CGNL1: variants seen among roughly 807,000 people sequenced by gnomAD.
CGNL1 encodes cingulin-like protein 1.
Under a neutral mutation model 141.2 loss-of-function variants are expected in CGNL1, and 132 were observed. That is an observed-to-expected ratio of 0.93 (90% confidence interval 0.81 to 1.08). The LOEUF is 1.08. Among genes scored for constraint, CGNL1 ranks in the 50% least tolerant of loss-of-function variants. The pLI is 0.00. For synonymous variants in CGNL1, 690 were observed against 622.1 expected, an observed-to-expected ratio of 1.11 and a Z score of -1.63; for missense variants, 1,870 against 1,588.6, an observed-to-expected ratio of 1.18 and a Z score of -3.01.
At chr15:57,387,153 GCCT>G (rs1398580911) in intron 1 of CGNL1, among the ~76,000 whole-genome samples, 1 of 152,192 alleles carries the variant, frequency 6.6e-6, no homozygotes, top group Non-Finnish European at 1.5e-5. Context: ...CTGTGGAACT[GCCT>G]AGTCTAGATA....
intron 1 of CGNL1, among the ~76,000 whole-genome samples, chr15:57,421,604 A>AG (rs2062915789): frequency 6.6e-6 from 1 of 152,136 alleles, no homozygotes; most frequent in Non-Finnish European, 1.5e-5. Context: ...CACCTAACTG[A>AG]AGGAAAAAAT....
At chr15:57,501,717 C>G (rs544459481) in intron 8 of CGNL1, among the ~76,000 whole-genome samples, 7 of 152,062 alleles carry the variant, frequency 4.6e-5, no homozygotes, top group African/African-American at 1.7e-4. Flanking sequence ...AGGAGCCATC[C>G]GAGAGCTGCA....
chr15:57,480,580 A>T (rs2063713020), intron 8 of CGNL1, among the ~76,000 whole-genome samples: 1 of 152,326 alleles, frequency 6.6e-6, no homozygotes, highest in Non-Finnish European at 1.5e-5. Flanking sequence ...AGTTACAACC[A>T]TCATTTGTCT....
intron 16 of CGNL1, 66 bp downstream of exon 16, chr15:57,544,663 G>GTTGTCACATTTGGGATCTGTCC: frequency 6.5e-7 from 1 of 1,535,578 alleles, no homozygotes; most frequent in Non-Finnish European, 8.8e-7. Flanking sequence ...ATCGCAATGT[G>GTTGTCACATTTGGGATCTGTCC]TTGTCACATT....
intron 4 of CGNL1, among the ~76,000 whole-genome samples, chr15:57,444,892 C>A (rs751227673): frequency 6.6e-6 from 1 of 152,100 alleles, no homozygotes; most frequent in Non-Finnish European, 1.5e-5. Flanking sequence ...GATGTGAATA[C>A]CATTGTGTTT....
intron 8 of CGNL1, among the ~76,000 whole-genome samples, chr15:57,467,159 G>C (rs138578100): frequency 6.6e-6 from 1 of 152,280 alleles, no homozygotes; most frequent in African/African-American, 2.4e-5. Flanking sequence ...ATATAAATCA[G>C]GTGGAATTTA....
At chr15:57,492,467 G>A (rs1466456292) in intron 8 of CGNL1, among the ~76,000 whole-genome samples, 3 of 152,116 alleles carry the variant, frequency 2.0e-5, no homozygotes, top group African/African-American at 7.2e-5. Flanking sequence ...TTTTTCATAG[G>A]TTGAATCTGA....
intron 4 of CGNL1, among the ~76,000 whole-genome samples, chr15:57,445,067 G>T (rs1308055481): frequency 6.6e-6 from 1 of 152,110 alleles, no homozygotes. Flanking sequence ...TTTGAGACCA[G>T]CCTGGGCAAT....
chr15:57,472,772 T>TG (rs374315147), intron 8 of CGNL1, among the ~76,000 whole-genome samples: 3 of 152,078 alleles, frequency 2.0e-5, no homozygotes, highest in Admixed American at 6.6e-5. Context: ...TTTGGGCAGG[T>TG]GGATGAGAGA....
In CGNL1 at chr15:57,439,207, A is replaced by G. The variant is rs768174684; in HGVS notation, c.1208A>G (p.Tyr403Cys). The change falls in exon 2 of 19, where the codon TAC (tyrosine) becomes TGC (cysteine). Residue 403 changes from tyrosine to cysteine, a missense_variant. Coordinates refer to ENST00000281282, the MANE Select transcript of CGNL1 (RefSeq NM_032866.5). Reference protein sequence around the residue: ...FPFGLQGNSEYLIEFSRNLGK... With the variant: ...FPFGLQGNSECLIEFSRNLGK... Reference sequence around the variant, plus strand: ...TTTGGCCTCCAAGGGAACTCGGAGTACCTGATTGAATTCAGTAGGAACTTG... The same window carrying G: ...TTTGGCCTCCAAGGGAACTCGGAGTGCCTGATTGAATTCAGTAGGAACTTG... 6.2e-7 allele frequency: 1 copy of G among 1,614,160 alleles called. No homozygotes were observed. Among genetic ancestry groups the G allele is most frequent in the South Asian group, 1.1e-5 (1 of 91,082 alleles).
chr15:57,390,088 T>C (rs1226318014), intron 1 of CGNL1, among the ~76,000 whole-genome samples: 1 of 152,216 alleles, frequency 6.6e-6, no homozygotes, highest in African/African-American at 2.4e-5. Context: ...AGTGCTGGGA[T>C]TACAGGTGTG....
intron 8 of CGNL1, among the ~76,000 whole-genome samples, chr15:57,479,173 C>G (rs1179924342): frequency 6.6e-6 from 1 of 152,138 alleles, no homozygotes; most frequent in Non-Finnish European, 1.5e-5. Flanking sequence ...GCACCTTTAT[C>G]CAGCCAACAA....
intron 1 of CGNL1, among the ~76,000 whole-genome samples, chr15:57,423,075 A>G (rs1429357557): frequency 6.6e-6 from 1 of 152,012 alleles, no homozygotes; most frequent in African/African-American, 2.4e-5. Context: ...TCTGGTTTGG[A>G]TTCTCTTATC....
Position 57,488,259 on chromosome 15 carries a change from T to C in CGNL1, c.2403+26367T>C, listed in dbSNP as rs114761221. Among the ~76,000 whole-genome samples the C allele has an allele frequency of 9.0e-3, 1,365 of 152,320 alleles. 22 individuals are homozygous for C. The highest frequency in any genetic ancestry group is 0.031 in the African/African-American group (1,298 of 41,558). ...TTTTAAAATTGGGTTGTCTTTTTAT[T>C]ACTGAGTTGTAATGGTTCTTTATAT... On this transcript the variant is annotated intron_variant, in intron 8 of 18. Transcript: ENST00000281282.
chr15:57,436,210 T>C (rs2063103812), intron 1 of CGNL1, among the ~76,000 whole-genome samples: 1 of 152,196 alleles, frequency 6.6e-6, no homozygotes, highest in Non-Finnish European at 1.5e-5. Context: ...TTTTGTTGCA[T>C]GTTGATGACC....
intron 1 of CGNL1, among the ~76,000 whole-genome samples, chr15:57,414,519 T>C (rs2062827205): frequency 6.6e-6 from 1 of 152,222 alleles, no homozygotes; most frequent in Admixed American, 6.5e-5. Flanking sequence ...GGAGTTGTTC[T>C]GGGTTCAAGG....
At chr15:57,499,426 CG>C (rs2063991086) in intron 8 of CGNL1, among the ~76,000 whole-genome samples, 1 of 151,732 alleles carries the variant, frequency 6.6e-6, no homozygotes, top group South Asian at 2.1e-4. Flanking sequence ...TTAGTAGAGG[CG>C]GGGTTTCACC....
At chr15:57,495,406 T>G (rs1177696337) in intron 8 of CGNL1, among the ~76,000 whole-genome samples, 1 of 152,214 alleles carries the variant, frequency 6.6e-6, no homozygotes, top group Admixed American at 6.5e-5. Flanking sequence ...TGGGAAGGCC[T>G]CCCTTCTGTG....
Position 57,528,729 on chromosome 15 carries a change from G to T in CGNL1, c.3115G>T (p.Glu1039Ter). Residue 1039 changes from glutamate (E) to a stop codon, truncating the protein, a stop_gained, in exon 13 of 19, where the codon GAG becomes TAG. Coordinates refer to ENST00000281282, the MANE Select transcript of CGNL1 (RefSeq NM_032866.5). LOFTEE classifies it high-confidence loss of function. ...DEALTKRQLL[E>*]QTLKDLEYEL... ...AGCACTCACAAAAAGGCAGCTTCTGGAGCAGACGCTGAAGGACCTGGAGTA... is the reference window on the plus strand; with the variant it reads ...AGCACTCACAAAAAGGCAGCTTCTGTAGCAGACGCTGAAGGACCTGGAGTA... 3 of 1,614,146 alleles carry T rather than the reference G, an allele frequency of 1.9e-6. No individual in the cohort carries two copies. Among genetic ancestry groups the T allele is most frequent in the Non-Finnish European group, 2.5e-6 (3 of 1,179,984 alleles).
Sources: gnomAD v4.1 joint callset for allele counts (sites outside exome capture counted in the v4.1 genomes callset) on GRCh38, gnomAD v4.1.1 for gene constraint, MANE v1.5 for transcripts, NCBI Gene and HGNC (gene_info 2026-07-23, HGNC 2026-07-21) for gene names.